Variants in P2RX4 observed in about 807,000 individuals in gnomAD.
P2RX4 encodes purinergic receptor P2X 4, also known as P2X purinoceptor 4.
P2RX4 carries 37 observed loss-of-function variants against 48.0 expected under a neutral mutation model. The observed-to-expected ratio is 0.77, with a 90% CI of 0.59 to 1.01. P2RX4 has a LOEUF of 1.01. Ranked by LOEUF, P2RX4 falls within the 50% of genes least tolerant of loss-of-function variation. The pLI, the probability that P2RX4 is intolerant of heterozygous loss-of-function variation, is 0.00. For missense variants in P2RX4, 501 were observed against 521.4 expected (o/e 0.96, Z 0.38); for synonymous variants, 200 against 199.7 (o/e 1.00, Z -0.01).
chr12:121,222,206 C>T (rs764687053), intron 4 of P2RX4, 40 bp downstream of exon 4: 36 of 1,336,272 alleles, frequency 2.7e-5, no homozygotes, highest in Middle Eastern at 3.6e-4. Flanking sequence ...GGCCCCTGAG[C>T]AGATCGCCCC....
chr12:121,219,602 TGG>T, intron 2 of P2RX4, among the ~76,000 whole-genome samples: 1 of 113,864 alleles, frequency 8.8e-6, no homozygotes, highest in African/African-American at 3.2e-5. Flanking sequence ...GATGGATGGA[TGG>T]ATGGATGGAT....
intron 5 of P2RX4, among the ~76,000 whole-genome samples, chr12:121,227,432 G>A (rs562766094): frequency 1.2e-4 from 18 of 152,330 alleles, no homozygotes; most frequent in Middle Eastern, 3.4e-3. Flanking sequence ...ACCTGCTGGC[G>A]GGTGCTTTGT....
intron 1 of P2RX4, chr12:121,212,816 A>AT (rs1266371217): frequency 5.5e-4 from 18 of 32,750 alleles, no homozygotes; most frequent in African/African-American, 1.9e-3. Flanking sequence ...ATATATATAT[A>AT]TATATATATT....
chr12:121,227,232 G>T (rs1219058702), intron 5 of P2RX4, among the ~76,000 whole-genome samples: 1 of 152,200 alleles, frequency 6.6e-6, no homozygotes, highest in East Asian at 1.9e-4. Context: ...TCAGGGCTGG[G>T]AAGACTGTTG....
At chr12:121,211,124 C>T (rs1885812250) in intron 1 of P2RX4, among the ~76,000 whole-genome samples, 1 of 152,192 alleles carries the variant, frequency 6.6e-6, no homozygotes, top group African/African-American at 2.4e-5. Flanking sequence ...CCATGCTGCC[C>T]CCTTAGGCTA....
chr12:121,213,017 G>A (rs1003312575), intron 1 of P2RX4: 1 of 151,072 alleles, frequency 6.6e-6, no homozygotes, highest in Non-Finnish European at 1.5e-5. Flanking sequence ...ATCCATAGTG[G>A]TGTTGCACTG....
chr12:121,217,037 A>G, intron 1 of P2RX4, 97 bp from the exon 2 acceptor site: 1 of 1,213,330 alleles, frequency 8.2e-7, no homozygotes, highest in Non-Finnish European at 1.2e-6. Context: ...TAATTAGTCA[A>G]CATCGTACTT....
Position 121,232,448 on chromosome 12 carries a change from G to A in P2RX4, c.919G>A (p.Glu307Lys), listed in dbSNP as rs372429881. ...AKYYRDLAGN[E>K]QRTLIKAYGI... ...GTACTACAGAGACCTGGCTGGCAAC[G>A]AGCAGCGCACGCTCATCAAGGCCTA... The change falls in exon 9 of 12, where the codon GAG (glutamate) becomes AAG (lysine). Residue 307 changes from glutamate (E) to lysine (K), a missense_variant. Glu to Lys is a moderately conservative substitution (Grantham distance 56). This residue lies in a region of P2RX4 where 197 missense variants were observed against 219.5 expected (regional missense o/e 0.90). Coordinates refer to ENST00000337233, the MANE Select transcript of P2RX4 (RefSeq NM_002560.3). The surrounding 1 kb of genome is among the most constrained non-coding windows in gnomAD (Gnocchi z 4.3). 39 of 1,613,972 alleles carry A rather than the reference G, an allele frequency of 2.4e-5. No homozygotes were observed. The highest frequency in any genetic ancestry group is 3.3e-4 in the Middle Eastern group (2 of 6,084).
chr12:121,233,535 G>A lies in P2RX4; in HGVS notation c.1153G>A (p.Glu385Lys), dbSNP rs1346766566. The stretch of plus-strand genomic sequence containing the variant: ...TCCTTCTTTGCAGGGTCTTGCTAGT[G>A]AGCTGGACCAGTGAGGCCTACCCCA... ...VEDYEQGLAS[E>K]LDQ The change falls in exon 12 of 12, where the codon GAG (glutamate) becomes AAG (lysine). Residue 385 changes from glutamate to lysine, a missense_variant. Glu to Lys is a moderately conservative substitution (Grantham distance 56). Transcript: ENST00000337233. 2 of 1,609,146 alleles carry A rather than the reference G, an allele frequency of 1.2e-6. No homozygotes were observed. Among genetic ancestry groups the A allele is most frequent in the South Asian group, 2.2e-5 (2 of 90,044 alleles).
intron 1 of P2RX4, chr12:121,216,246 G>A (rs1258053020): frequency 6.6e-6 from 1 of 152,366 alleles, no homozygotes; most frequent in Non-Finnish European, 1.5e-5. Context: ...TAGTGGGTGA[G>A]AGAAGAGGCT....
intron 2 of P2RX4, among the ~76,000 whole-genome samples, chr12:121,221,342 T>C (rs1330270724): frequency 6.6e-6 from 1 of 150,990 alleles, no homozygotes; most frequent in East Asian, 2.0e-4. Context: ...TATTCATGGC[T>C]GAATCACATT....
In P2RX4 at chr12:121,229,432, G is replaced by A. The variant is rs1887207323; in HGVS notation, c.884+333G>A. Among the ~76,000 whole-genome samples, 3 of 152,224 alleles carry A rather than the reference G, an allele frequency of 2.0e-5. No individual in the cohort carries two copies. Among genetic ancestry groups the A allele is most frequent in the Admixed American group, 1.3e-4 (2 of 15,274 alleles). ...CCTCCATTCACTGCCTCAAGGAGCG[G>A]ATGATCTTGTGATCCTCCAGTCCAA... On this transcript the variant is annotated intron_variant, in intron 8 of 11. Transcript: ENST00000337233. The surrounding 1 kb of genome is among the most constrained non-coding windows in gnomAD (Gnocchi z 4.6).
rs145763887 is a variant in P2RX4, at chr12:121,222,953, C to T, written c.434C>T (p.Ser145Leu). 1 of 1,611,600 alleles carries T rather than the reference C, an allele frequency of 6.2e-7. No homozygotes were observed. The highest frequency in any genetic ancestry group is 1.7e-5 in the Admixed American group (1 of 59,992). Residue 145 changes from serine (S) to leucine (L), a missense_variant, in exon 5 of 12, where the codon TCA becomes TTA. Coordinates refer to ENST00000337233, the MANE Select transcript of P2RX4 (RefSeq NM_002560.3). ...GCCACCCTTGTGCTTGTAGGAGTCTCAACAGGCAGGTGCGTAGCTTTCAAC... is the reference window on the plus strand; with the variant it reads ...GCCACCCTTGTGCTTGTAGGAGTCTTAACAGGCAGGTGCGTAGCTTTCAAC... Reference protein sequence around the residue: ...GSAGTHSNGVSTGRCVAFNGS... With the variant: ...GSAGTHSNGVLTGRCVAFNGS...
chr12:121,221,976 T>A lies in P2RX4; in HGVS notation c.346T>A (p.Cys116Ser). 3.1e-6 allele frequency: 5 copies of A among 1,614,052 alleles called. No homozygotes were observed. Among genetic ancestry groups the A allele is most frequent in the Non-Finnish European group, 4.2e-6 (5 of 1,179,870 alleles). The part of the protein sequence containing the change: ...ILTMNQTQGL[C>S]PEIPDATTVC... ...CACCATGAACCAGACACAGGGCCTG[T>A]GCCCCGAGGTAGGAGGCCCCCGGGA... Residue 116 changes from cysteine to serine, a missense_variant, in exon 3 of 12, where the codon TGC (cysteine) becomes AGC (serine). Cys to Ser is a moderately radical substitution (Grantham distance 112). This residue lies in a region of P2RX4 where 295 missense variants were observed against 275.3 expected (regional missense o/e 1.07). Coordinates refer to ENST00000337233, the MANE Select transcript of P2RX4 (RefSeq NM_002560.3).
rs1042380632 is a variant in P2RX4, at chr12:121,223,010, G to A, written c.491G>A (p.Trp164Ter). 1.9e-6 allele frequency: 3 copies of A among 1,613,118 alleles called. No homozygotes were observed. Among genetic ancestry groups the A allele is most frequent in the Non-Finnish European group, 2.5e-6 (3 of 1,179,056 alleles). Residue 164 changes from tryptophan (W) to a stop codon, truncating the protein, a stop_gained, in exon 5 of 12, where the codon TGG (tryptophan) becomes TAG (stop). Coordinates refer to ENST00000337233, the MANE Select transcript of P2RX4 (RefSeq NM_002560.3). LOFTEE classifies it high-confidence loss of function. ...GTCAAGACGTGTGAGGTGGCGGCCT[G>A]GTGCCCGGTGGAGGATGACACACAC... The part of the protein sequence containing the change: ...GSVKTCEVAA[W>*]CPVEDDTHVP...
At chr12:121,222,520 C>A in intron 4 of P2RX4, 1 of 442,290 alleles carries the variant, frequency 2.3e-6, no homozygotes, top group East Asian at 5.4e-5. Context: ...TCAAACAATT[C>A]TCCTGCCTCA....
intron 8 of P2RX4, among the ~76,000 whole-genome samples, chr12:121,231,620 T>C (rs1887365266): frequency 6.6e-6 from 1 of 152,184 alleles, no homozygotes. Context: ...CAGTACCTCG[T>C]CTCTTTTTAT....
intron 5 of P2RX4, among the ~76,000 whole-genome samples, chr12:121,226,005 T>C (rs1886954976): frequency 6.6e-6 from 1 of 151,920 alleles, no homozygotes; most frequent in Non-Finnish European, 1.5e-5. Context: ...TCCTCCTGTG[T>C]AGCTGGGACC....
At chr12:121,212,614 C>A (rs1223652110) in intron 1 of P2RX4, among the ~76,000 whole-genome samples, 3 of 149,538 alleles carry the variant, frequency 2.0e-5, no homozygotes, top group African/African-American at 7.4e-5. Context: ...ATGGTAAAAC[C>A]CCGTCTCTAC....
Sources: gnomAD v4.1 joint callset for allele counts (sites outside exome capture counted in the v4.1 genomes callset) on GRCh38, gnomAD v4.1.1 for gene constraint, gnomAD v4.1.1 regional missense constraint, Gnocchi (gnomAD v3.1) non-coding constraint, MANE v1.5 for transcripts, NCBI Gene and HGNC (gene_info 2026-07-23, HGNC 2026-07-21) for gene names.